CP: variants seen among roughly 807,000 people sequenced by gnomAD.
The protein encoded by CP is ceruloplasmin, also known as caeruloplasmin.
CP carries 64 observed loss-of-function variants against 122.4 expected under a neutral mutation model. The ratio of observed to expected loss-of-function variants is 0.52; its 90% CI spans 0.43 to 0.64. CP has a LOEUF of 0.64. Ranked by LOEUF, CP falls within the 30% of genes least tolerant of loss-of-function variation. The probability of loss-of-function intolerance (pLI) is 0.00; values close to 1 mark genes in which losing one functional copy is unlikely to be tolerated. For missense variants in CP, 1,167 were observed against 1,284.4 expected, an observed-to-expected ratio of 0.91 and a Z score of 1.40; for synonymous variants, 440 against 436.4, an observed-to-expected ratio of 1.01 and a Z score of -0.10.
chr3:149,176,387 A>T lies in CP; in HGVS notation c.3044T>A (p.Val1015Asp), dbSNP rs1725419170. 6.8e-6 allele frequency: 11 copies of T among 1,612,500 alleles called. No individual in the cohort carries two copies. The highest frequency in any genetic ancestry group is 9.3e-6 in the Non-Finnish European group (11 of 1,178,572). ...YKHRGVYSSD[V>D]FDIFPGTYQT... ...GTATGTTCCAGGGAAAATGTCAAAG[A>T]CATCAGAACTATAAACTCCCCTGTG... The change falls in exon 18 of 19, where the codon GTC becomes GAC. Residue 1015 changes from valine (V) to aspartate (D), a missense_variant. By Grantham distance (152) the Val-to-Asp change is radical. Transcript: ENST00000264613.
At chr3:149,198,276 G>T in intron 9 of CP, 91 bp downstream of exon 9, 1 of 996,548 alleles carries the variant, frequency 1.0e-6, no homozygotes, top group Non-Finnish European at 1.6e-6. Flanking sequence ...AAGTATTTTT[G>T]GAGATAATGA....
intron 10 of CP, 45 bp downstream of exon 10, chr3:149,188,007 A>T (rs1726286110): frequency 1.3e-6 from 2 of 1,595,074 alleles, no homozygotes; most frequent in Non-Finnish European, 1.7e-6. Context: ...TTACATATGC[A>T]GTACTAAAAT....
rs1385914688 is a variant in CP at position 149,178,687 on chromosome 3, AACTGAG to A, written c.2662-62_2662-57del. 1.4e-5 allele frequency: 18 copies of A among 1,306,834 alleles called. No individual in the cohort carries two copies. In the East Asian group the frequency reaches 4.4e-4, roughly 32 times the overall value. The allele number at this position is 1,306,834 out of a possible 1,614,324, so 81.0% of individuals were successfully genotyped here. ...TGTGAATTAGGTCAGGATTTCAGAG[AACTGAG>A]ACTTTGCACCCAGGGCCTCAGGAAT... is the stretch of plus-strand genomic sequence containing the variant. On this transcript the variant is annotated intron_variant, in intron 15 of 18. Transcript: ENST00000264613.
At position 149,180,541 on chromosome 3, in the gene CP, A is replaced by G. The variant is rs1725709543; in HGVS notation, c.2555-879T>C. 2.0e-5 allele frequency among the ~76,000 whole-genome samples: 3 copies of G among 152,182 alleles called. No individual in the cohort carries two copies. The South Asian group carries it at 6.2e-4, about 32-fold the overall frequency. Reference sequence around the variant, plus strand: ...CCATTTATTTAGACCACACCATTACATATTCATGCTATCACACTAACCTGC... The same window carrying G: ...CCATTTATTTAGACCACACCATTACGTATTCATGCTATCACACTAACCTGC... On this transcript the variant is annotated intron_variant, in intron 14 of 18. Coordinates refer to ENST00000264613, the MANE Select transcript of CP (RefSeq NM_000096.4).
At chr3:149,181,393 T>A (rs1725765994) in intron 14 of CP, among the ~76,000 whole-genome samples, 1 of 152,166 alleles carries the variant, frequency 6.6e-6, no homozygotes, top group South Asian at 2.1e-4. Context: ...GAAGCCCTCC[T>A]GACCTCTCTA....
At chr3:149,212,137 C>CA (rs1202152308) in intron 2 of CP, among the ~76,000 whole-genome samples, 120 of 144,974 alleles carry the variant, frequency 8.3e-4, no homozygotes, top group African/African-American at 1.1e-3. Context: ...ACTAAAAATG[C>CA]AAAAAAAAAA....
rs1337661796 is a variant in CP, at chr3:149,167,123, C to G, written c.587-1073G>C. 2.5e-6 allele frequency: 4 copies of G among 1,613,754 alleles called. No individual in the cohort carries two copies. Among genetic ancestry groups the G allele is most frequent in the Non-Finnish European group, 3.4e-6 (4 of 1,179,760 alleles). On this transcript the variant is annotated intron_variant, in intron 4 of 5. Coordinates refer to the CP transcript ENST00000479771. ...AAGACACTATTGCCGGCCTCAGTGT[C>G]CATGTTCTGTGTCGTACACGCTTGA...
In CP at chr3:149,186,334, G is replaced by A. The variant is rs1726169132; in HGVS notation, c.2077+186C>T. ...TACTCCACATTGTCCTCAGTAACTA[G>A]GAAACAGACCTATCTGGTACATACT... On this transcript the variant is annotated intron_variant, in intron 11 of 18. Coordinates refer to ENST00000264613, the MANE Select transcript of CP (RefSeq NM_000096.4). 34 of 638,008 alleles carry A rather than the reference G, an allele frequency of 5.3e-5. 1 individual carries two copies. In the South Asian group the frequency reaches 6.3e-4, roughly 12 times the overall value. 39.5% of individuals were successfully genotyped at this position (638,008 alleles called of 1,614,324 possible). A position where few individuals can be genotyped will look rare whatever the true frequency, so the allele number is the denominator to read the frequency against.
rs886058087 is a variant in CP, at chr3:149,185,344, A to G, written c.2180T>C (p.Phe727Ser). ...QCRRQSEDSTFYLGERTYYIA... is the reference protein window; with the variant it reads ...QCRRQSEDSTSYLGERTYYIA... ...ATAGTATGTCCTCTCTCCCAGGTAG[A>G]AGGTGGAATCCTCAGACTGCCGCCT... The change falls in exon 12 of 19, where the codon TTC becomes TCC. Residue 727 changes from phenylalanine to serine, a missense_variant. By Grantham distance (155) the Phe-to-Ser change is radical. Transcript: ENST00000264613. 5 of 1,614,142 alleles carry G rather than the reference A, an allele frequency of 3.1e-6. No individual in the cohort carries two copies. The South Asian group carries it at 5.5e-5, about 18-fold the overall frequency.
rs200226362 is a variant in CP at position 149,188,142 on chromosome 3, G to A, written c.1774C>T (p.Leu592Phe). The change falls in exon 10 of 19, where the codon CTC (leucine) becomes TTC (phenylalanine). Residue 592 changes from leucine to phenylalanine, a missense_variant. Physicochemically the swap from Leu to Phe is conservative, Grantham distance 22 (BLOSUM62 0). Coordinates refer to ENST00000264613, the MANE Select transcript of CP (RefSeq NM_000096.4). ...PTVFDENESL[L>F]LEDNIRMFTT... ...AACATTCTAATATTATCTTCCAGGA[G>A]TAAACTCTCATTCTCATCAAATACT... 1.5e-4 allele frequency: 247 copies of A among 1,612,764 alleles called. No individual in the cohort carries two copies. Among genetic ancestry groups the A allele is most frequent in the East Asian group, 8.3e-4 (37 of 44,800 alleles).
At chr3:149,171,055 G>A (rs532947224), downstream of CP, among the ~76,000 whole-genome samples, 10 of 152,130 alleles carry the variant, frequency 6.6e-5, no homozygotes, top group Non-Finnish European at 1.2e-4. Flanking sequence ...CAAGGCAGGC[G>A]GATCATGAGG....
At chr3:149,184,050 T>TTG (rs1553758963) in intron 12 of CP, among the ~76,000 whole-genome samples, 2 of 138,322 alleles carry the variant, frequency 1.4e-5, no homozygotes, top group African/African-American at 5.4e-5. Flanking sequence ...TTTTTTTTTT[T>TTG]TTTTTTGAGG....
intron 6 of CP, among the ~76,000 whole-genome samples, chr3:149,204,981 A>G (rs1265555018): frequency 1.3e-5 from 2 of 151,784 alleles, no homozygotes; most frequent in Non-Finnish European, 2.9e-5. Flanking sequence ...TATCCTGAAT[A>G]TATAAAGAAC....
chr3:149,180,650 T>A (rs1024482757), intron 14 of CP, among the ~76,000 whole-genome samples: 1 of 152,244 alleles, frequency 6.6e-6, no homozygotes, highest in Non-Finnish European at 1.5e-5. Context: ...TTACTTTTTC[T>A]TCAAGCCTCA....
At chr3:149,205,514 GAATA>G (rs1727650100) in intron 6 of CP, among the ~76,000 whole-genome samples, 1 of 151,624 alleles carries the variant, frequency 6.6e-6, no homozygotes, top group Non-Finnish European at 1.5e-5. Flanking sequence ...ACAGATGAAT[GAATA>G]AACAAAATAT....
intron 1 of CP, chr3:149,218,015 T>A (rs1019838247): frequency 4.0e-6 from 1 of 250,082 alleles, no homozygotes; most frequent in Admixed American, 5.6e-5. Flanking sequence ...GGTAATAATG[T>A]TTGTAAGAAC....
chr3:149,202,012 T>C (rs896011437), intron 7 of CP, 90 bp downstream of exon 7: 3 of 1,518,074 alleles, frequency 2.0e-6, no homozygotes, highest in Non-Finnish European at 1.8e-6. Flanking sequence ...ATAGAAATCA[T>C]GCAGTAGGTC....
rs1725922199 is a variant in CP, at chr3:149,183,519, G to A, written c.2372C>T (p.Thr791Ile). 2 of 1,611,252 alleles carry A rather than the reference G, an allele frequency of 1.2e-6. No homozygotes were observed. The highest frequency in any genetic ancestry group is 1.7e-6 in the Non-Finnish European group (2 of 1,179,404). ...KVVYRQYTDS[T>I]FRVPVERKAE... ...TTTTCTCTCCACTGGAACACGGAAT[G>A]TGCTATCAGTATACTGCCGATACAC... The change falls in exon 13 of 19, where the codon ACA becomes ATA. Residue 791 changes from threonine to isoleucine, a missense_variant. By Grantham distance (89) the Thr-to-Ile change is moderately conservative. Coordinates refer to ENST00000264613, the MANE Select transcript of CP (RefSeq NM_000096.4).
At position 149,173,341 on chromosome 3, in the gene CP, G is replaced by C. The variant is rs370247691; in HGVS notation, c.*373C>G. ...AGCATGTTAGAAGGATCAATGGGAA[G>C]GCAATGATTGAAAACATTTCAATGA... On this transcript the variant is annotated 3_prime_UTR_variant, in exon 19 of 19. Coordinates refer to ENST00000264613, the MANE Select transcript of CP (RefSeq NM_000096.4). 3.5e-4 allele frequency: 57 copies of C among 162,050 alleles called. 2 individuals are homozygous for C. The Middle Eastern group carries it at 0.03, about 86-fold the overall frequency. The allele number at this position is 162,050 out of a possible 1,614,324, so 10.0% of individuals were successfully genotyped here.
Sources: allele counts gnomAD v4.1 joint callset (sites outside exome capture counted in the v4.1 genomes callset), GRCh38; gene constraint gnomAD v4.1.1; transcripts MANE v1.5; gene names NCBI Gene and HGNC (gene_info 2026-07-23, HGNC 2026-07-21).